Variants in THAP4 observed in about 807,000 individuals in gnomAD.
THAP4 encodes the protein THAP domain containing 4.
In THAP4, 18 loss-of-function variants were observed where a neutral mutation model predicts 48.1. The observed-to-expected ratio is 0.37, with a 90% CI of 0.26 to 0.56. The LOEUF (loss-of-function observed/expected upper bound fraction) is 0.56. Among genes scored for constraint, THAP4 ranks in the 20% least tolerant of loss-of-function variants. The pLI, the probability that THAP4 is intolerant of heterozygous loss-of-function variation, is 0.78. For missense variants in THAP4, 656 were observed against 774.9 expected (o/e 0.85, Z 1.82); for synonymous variants, 345 against 324.9 (o/e 1.06, Z -0.66).
chr2:241,589,360 T>C (rs902858012), intron 5 of THAP4, among the ~76,000 whole-genome samples: 2 of 151,530 alleles, frequency 1.3e-5, no homozygotes, highest in African/African-American at 2.4e-5. Context: ...AAAGGACTTA[T>C]ACCCAGAACA....
At chr2:241,617,513 G>T in intron 2 of THAP4, 1 of 1,526,764 alleles carries the variant, frequency 6.5e-7, no homozygotes, top group Non-Finnish European at 8.8e-7. Context: ...TAATGGCTCT[G>T]CAGGAAGTGA....
chr2:241,620,303 CGTG>C (rs2067410865), intron 2 of THAP4, among the ~76,000 whole-genome samples: 1 of 26,938 alleles, frequency 3.7e-5, no homozygotes, highest in Non-Finnish European at 6.5e-5. Flanking sequence ...GTGAGTGAGT[CGTG>C]AGTGAGGGGT....
At chr2:241,615,835 G>A (rs1193930430) in intron 2 of THAP4, among the ~76,000 whole-genome samples, 1 of 152,170 alleles carries the variant, frequency 6.6e-6, no homozygotes, top group East Asian at 1.9e-4. Context: ...CGTGCCCCAA[G>A]CCCACGGTTC....
chr2:241,591,273 C>T (rs1017277747), intron 5 of THAP4, among the ~76,000 whole-genome samples: 8 of 144,294 alleles, frequency 5.5e-5, no homozygotes, highest in African/African-American at 2.1e-4. Flanking sequence ...GCTCGGTCTA[C>T]AGTGGCAGAA....
chr2:241,590,553 T>G (rs142162452), intron 5 of THAP4, among the ~76,000 whole-genome samples: 43 of 29,878 alleles, frequency 1.4e-3, no homozygotes, highest in East Asian at 4.4e-3. Context: ...ACTAGGACAC[T>G]CAGAACTGCC....
At position 241,616,952 on chromosome 2, in the gene THAP4, C is replaced by G. The variant is rs888825267; in HGVS notation, c.1241-10479G>C. On this transcript the variant is annotated intron_variant, in intron 2 of 5. Coordinates refer to ENST00000407315, the MANE Select transcript of THAP4 (RefSeq NM_015963.6). The surrounding 1 kb of genome is among the most constrained non-coding windows in gnomAD (Gnocchi z 4.6). The stretch of plus-strand genomic sequence containing the variant: ...CTGCACCTCACCAGGTTAACCTGCT[C>G]CTGGGGCCGCTCCCCCTGCACCCTC... Among the ~76,000 whole-genome samples the G allele has an allele frequency of 2.0e-5, 3 of 146,918 alleles. No homozygotes were observed. Among genetic ancestry groups the G allele is most frequent in the African/African-American group, 7.3e-5 (3 of 41,054 alleles).
chr2:241,600,800 CA>C (rs1351606690), intron 5 of THAP4, among the ~76,000 whole-genome samples: 2 of 151,088 alleles, frequency 1.3e-5, no homozygotes, highest in Non-Finnish European at 2.9e-5. Context: ...ACTTCCTTAG[CA>C]AGAACCCAAA....
At chr2:241,622,150 G>A (rs1471931374) in intron 2 of THAP4, among the ~76,000 whole-genome samples, 31 of 152,148 alleles carry the variant, frequency 2.0e-4, no homozygotes, top group Non-Finnish European at 7.4e-5. Context: ...CGGGTGGATC[G>A]CCTGAGGTCA....
At chr2:241,622,415 CAG>C (rs1014156049) in intron 2 of THAP4, among the ~76,000 whole-genome samples, 2 of 152,016 alleles carry the variant, frequency 1.3e-5, no homozygotes, top group Non-Finnish European at 2.9e-5. Flanking sequence ...TAAATAAAAA[CAG>C]AGAATTCACT....
intron 2 of THAP4, among the ~76,000 whole-genome samples, chr2:241,625,216 T>C (rs565205716): frequency 1.3e-5 from 2 of 152,088 alleles, no homozygotes; most frequent in Non-Finnish European, 2.9e-5. Flanking sequence ...GGCTCACACC[T>C]GTAGTCCCAA....
intron 3 of THAP4, among the ~76,000 whole-genome samples, chr2:241,605,545 G>A (rs2067171413): frequency 6.6e-6 from 1 of 152,092 alleles, no homozygotes; most frequent in Non-Finnish European, 1.5e-5. Context: ...CCACCTGTGG[G>A]GAGCAGGTGG....
intron 5 of THAP4, among the ~76,000 whole-genome samples, chr2:241,598,645 C>T (rs557505402): frequency 9.8e-4 from 149 of 152,200 alleles, no homozygotes; most frequent in Middle Eastern, 3.4e-3. Flanking sequence ...CAGCAGGGTT[C>T]GTGCTCCTAT....
At chr2:241,623,861 C>A (rs1228151959) in intron 2 of THAP4, among the ~76,000 whole-genome samples, 1 of 152,206 alleles carries the variant, frequency 6.6e-6, no homozygotes, top group Admixed American at 6.5e-5. Context: ...TCTATACGCA[C>A]ACTCAGGACA....
chr2:241,637,397 C>T, upstream of THAP4: 13 of 1,432,300 alleles, frequency 9.1e-6, no homozygotes, highest in Non-Finnish European at 1.0e-5. Flanking sequence ...CAGAGCTCGC[C>T]TCTGCCGCCT....
chr2:241,601,812 T>C lies in THAP4; in HGVS notation c.1614+84A>G, dbSNP rs891438767. ...TGAGACACAGTGGCAAGACACGCAC[T>C]ACCTCACGGAAGAGGAAGAGGCTGA... On this transcript the variant is annotated intron_variant, in intron 5 of 5. Transcript: ENST00000407315. This position sits in a 1 kb window ranked among gnomAD's most constrained non-coding sequence, Gnocchi z 4.0. 1 of 1,580,448 alleles carries C rather than the reference T, an allele frequency of 6.3e-7. No homozygotes were observed. The highest frequency in any genetic ancestry group is 1.3e-5 in the African/African-American group (1 of 74,560).
In THAP4 at chr2:241,585,806, G is replaced by A. The variant is rs141187659; in HGVS notation, c.1615-1081C>T. ...TATGCACATGTAGTCCCAGCTACTC[G>A]GGAAGTTGAGGCAGCAGAATTGCTT... On this transcript the variant is annotated intron_variant, in intron 5 of 5. Coordinates refer to ENST00000407315, the MANE Select transcript of THAP4 (RefSeq NM_015963.6). Among the ~76,000 whole-genome samples the A allele has an allele frequency of 3.4e-3, 522 of 151,468 alleles. 3 individuals are homozygous for A. The highest frequency in any genetic ancestry group is 0.012 in the African/African-American group (503 of 41,192).
intron 5 of THAP4, among the ~76,000 whole-genome samples, chr2:241,591,214 A>G (rs2066974595): frequency 6.6e-6 from 1 of 151,816 alleles, no homozygotes; most frequent in South Asian, 2.1e-4. Context: ...GCACTAGGAC[A>G]CTCAGAACTG....
Position 241,636,967 on chromosome 2 carries a change from G to A in THAP4, c.51C>T (p.Gly17=). The A allele has an allele frequency of 6.1e-6, 8 of 1,316,258 alleles. No individual in the cohort carries two copies. Among genetic ancestry groups the A allele is most frequent in the Admixed American group, 2.2e-5 (1 of 44,968 alleles). The allele number at this position is 1,316,258 out of a possible 1,614,324, so 81.5% of individuals were successfully genotyped here. A position where few individuals can be genotyped will look rare whatever the true frequency, so the allele number is the denominator to read the frequency against. Residue 17 remains glycine, a synonymous_variant, in exon 1 of 6, where the codon GGC becomes GGT. Transcript: ENST00000407315. ...TGTGGAAGGAGACGGCGCGCTTCTC[G>A]CCCTTTCCCTGCCGGTTGGAGCAGT... ...AVNCSNRQGK[G]EKRAVSFHRF...
rs771991642 is a variant in THAP4 at position 241,633,285 on chromosome 2, G to A, written c.872C>T (p.Ala291Val). Residue 291 changes from alanine (A) to valine (V), a missense_variant, in exon 2 of 6, where the codon GCG becomes GTG. This residue lies in a region of THAP4 where 391 missense variants were observed against 412.4 expected (regional missense o/e 0.95). Coordinates refer to ENST00000407315, the MANE Select transcript of THAP4 (RefSeq NM_015963.6). The surrounding 1 kb of genome is among the most constrained non-coding windows in gnomAD (Gnocchi z 7.5). The part of the protein sequence containing the change: ...AQSPPSSSLT[A>V]TPQKPSQSPS... Reference sequence around the variant, plus strand: ...GCTCTGGGAAGGCTTCTGCGGTGTCGCGGTAAGTGATGAGCTGGGAGGGCT... The same window carrying A: ...GCTCTGGGAAGGCTTCTGCGGTGTCACGGTAAGTGATGAGCTGGGAGGGCT... 3.3e-5 allele frequency: 53 copies of A among 1,611,792 alleles called. No homozygotes were observed. Among genetic ancestry groups the A allele is most frequent in the Middle Eastern group, 1.6e-4 (1 of 6,082 alleles).
Sources: gnomAD v4.1 joint callset for allele counts (sites outside exome capture counted in the v4.1 genomes callset) on GRCh38, gnomAD v4.1.1 for gene constraint, gnomAD v4.1.1 regional missense constraint, Gnocchi (gnomAD v3.1) non-coding constraint, MANE v1.5 for transcripts, NCBI Gene and HGNC (gene_info 2026-07-23, HGNC 2026-07-21) for gene names.